The following ADGRA1 variants were observed in gnomAD, a reference collection of about 807,000 sequenced individuals.
The protein encoded by ADGRA1 is adhesion G protein-coupled receptor A1, also known as G-protein coupled receptor 123.
In ADGRA1, 12 loss-of-function variants were observed where a neutral mutation model predicts 21.3. That is an observed-to-expected ratio of 0.56 (90% CI 0.36 to 0.91). ADGRA1 has a LOEUF of 0.91. Ranked by LOEUF, ADGRA1 falls within the 40% of genes least tolerant of loss-of-function variation. The pLI, the probability that ADGRA1 is intolerant of heterozygous loss-of-function variation, is 0.01. For missense variants in ADGRA1, 790 were observed against 805.6 expected (o/e 0.98, Z 0.23); for synonymous variants, 385 against 368.8 (o/e 1.04, Z -0.50).
chr10:133,097,971 GCTTGGTGGTTAGTGCCGTCCTACCAA>G (rs1195056647), intron 3 of ADGRA1, among the ~76,000 whole-genome samples: 1 of 152,194 alleles, frequency 6.6e-6, no homozygotes, highest in East Asian at 1.9e-4. Flanking sequence ...AATATCATCA[GCTTGGTGGTTAGTGCCGTCCTACCAA>G]CTCGGGGGGA....
At chr10:133,100,889 C>T (rs557231613) in intron 4 of ADGRA1, among the ~76,000 whole-genome samples, 1 of 152,268 alleles carries the variant, frequency 6.6e-6, no homozygotes, top group South Asian at 2.1e-4. Context: ...GCCTGCCGGA[C>T]GCGTGACGCC....
intron 5 of ADGRA1, among the ~76,000 whole-genome samples, chr10:133,105,557 A>G (rs1227500168): frequency 6.6e-6 from 1 of 152,246 alleles, no homozygotes; most frequent in Non-Finnish European, 1.5e-5. Flanking sequence ...TTCAGAGTCC[A>G]GGGAAGATAC....
At chr10:133,089,158 A>G (rs748098465) in intron 2 of ADGRA1, 66 of 601,916 alleles carry the variant, frequency 1.1e-4, no homozygotes, top group Non-Finnish European at 1.6e-4. Flanking sequence ...GCATATGGCA[A>G]TGTGGAATCA....
chr10:133,106,503 C>A (rs1388225416), intron 5 of ADGRA1, among the ~76,000 whole-genome samples: 2 of 152,240 alleles, frequency 1.3e-5, no homozygotes, highest in Non-Finnish European at 2.9e-5. Flanking sequence ...ATCTGGTCAT[C>A]TCCATCCACC....
intron 2 of ADGRA1, among the ~76,000 whole-genome samples, chr10:133,089,303 T>TG (rs1851559080): frequency 6.6e-6 from 1 of 151,952 alleles, no homozygotes; most frequent in South Asian, 2.1e-4. Flanking sequence ...CACGCCACCC[T>TG]GCCGGCCCCT....
chr10:133,106,592 C>G (rs1364659747), intron 5 of ADGRA1, among the ~76,000 whole-genome samples: 1 of 152,268 alleles, frequency 6.6e-6, no homozygotes, highest in Non-Finnish European at 1.5e-5. Context: ...AGCCTGGCCT[C>G]AGGGCGCAGG....
chr10:133,127,370 C>CG, intron 6 of ADGRA1, 39 bp downstream of exon 6: 8 of 1,471,430 alleles, frequency 5.4e-6, no homozygotes, highest in Non-Finnish European at 7.4e-6. Flanking sequence ...CTGGGAGCAG[C>CG]GGGTGGGCTC....
Position 133,113,219 on chromosome 10 carries a change from G to A in ADGRA1, c.401+10377G>A, listed in dbSNP as rs1056134578. Among the ~76,000 whole-genome samples, 14 of 109,290 alleles carry A rather than the reference G, an allele frequency of 1.3e-4. No individual in the cohort carries two copies. The East Asian group carries it at 1.3e-3, about 10-fold the overall frequency. 71.7% of individuals were successfully genotyped at this position (109,290 alleles called of 152,430 possible). ...GCCGCGTCGGTTATTTGAGGTCTGC[G>A]GGCCGCGTCAGTTATTTGAGGTCTG... On this transcript the variant is annotated intron_variant, in intron 5 of 6. Transcript: ENST00000392607.
Position 133,087,964 on chromosome 10 carries a change from G to T in ADGRA1, c.-377G>T, listed in dbSNP as rs1851529593. On this transcript the variant is annotated 5_prime_UTR_variant, in exon 1 of 7. Transcript: ENST00000392607. ...CTGCTGGCCGGGCTGGGCCGCTCGTGCGCGGGGCTGTGACTCACCGGCCGG... is the reference window on the plus strand; with the variant it reads ...CTGCTGGCCGGGCTGGGCCGCTCGTTCGCGGGGCTGTGACTCACCGGCCGG... 7 of 984,874 alleles carry T rather than the reference G, an allele frequency of 7.1e-6. No individual in the cohort carries two copies. The highest frequency in any genetic ancestry group is 8.4e-6 in the Non-Finnish European group (7 of 829,828). 61.0% of individuals were successfully genotyped at this position (984,874 alleles called of 1,614,324 possible).
chr10:133,129,724 A>ACACCCCTGCCCCCTCCTTGTGATC lies in ADGRA1; in HGVS notation c.*213_*214insCACCCCTGCCCCCTCCTTGTGATC, dbSNP rs1852477024. The ACACCCCTGCCCCCTCCTTGTGATC allele has an allele frequency of 1.6e-5, 6 of 365,524 alleles. No homozygotes were observed. The African/African-American group carries it at 2.2e-4, about 14-fold the overall frequency. 22.6% of individuals were successfully genotyped at this position (365,524 alleles called of 1,614,324 possible). On this transcript the variant is annotated 3_prime_UTR_variant, in exon 7 of 7. Coordinates refer to ENST00000392607, the MANE Select transcript of ADGRA1 (RefSeq NM_001083909.3). ...TCACACCCCTGCCCCTTCCTTGTGA[A>ACACCCCTGCCCCCTCCTTGTGATC]AGACCTCAGCGGGGAAACGCTCCGG...
chr10:133,098,623 C>G lies in ADGRA1; in HGVS notation c.132-17C>G, dbSNP rs200606960. On this transcript the variant is annotated splice_polypyrimidine_tract_variant and intron_variant, in intron 3 of 6. Transcript: ENST00000392607. ...AGAGCCTCTGCTCATGTGAAACCCT[C>G]CTTTCCCGTCCCACAGCGCCATCCG... The G allele has an allele frequency of 4.4e-6, 7 of 1,603,706 alleles. No homozygotes were observed. The highest frequency in any genetic ancestry group is 1.7e-5 in the Admixed American group (1 of 59,736).
chr10:133,122,547 T>C (rs1013456218), intron 5 of ADGRA1, among the ~76,000 whole-genome samples: 1 of 152,246 alleles, frequency 6.6e-6, no homozygotes, highest in Admixed American at 6.5e-5. Context: ...TCTTTCTTCT[T>C]TTCTTTCCTT....
Position 133,129,295 on chromosome 10 carries a change from G to A in ADGRA1, c.1467G>A (p.Gly489=). The A allele has an allele frequency of 6.4e-7, 1 of 1,552,254 alleles. No homozygotes were observed. Among genetic ancestry groups the A allele is most frequent in the Admixed American group, 1.9e-5 (1 of 51,292 alleles). Residue 489 remains glycine, a synonymous_variant, in exon 7 of 7, where the codon GGG becomes GGA. Coordinates refer to ENST00000392607, the MANE Select transcript of ADGRA1 (RefSeq NM_001083909.3). ...PMVTQPEGSD[G]SPALYSCPTQ... is the part of the protein sequence containing the mutation. ...TCACCCAGCCCGAGGGCAGTGATGG[G>A]AGCCCTGCCCTCTACAGCTGCCCCA... is the stretch of plus-strand genomic sequence containing the variant.
chr10:133,088,128 G>A lies in ADGRA1; in HGVS notation c.-213G>A, dbSNP rs965677132. On this transcript the variant is annotated 5_prime_UTR_variant, in exon 1 of 7. Coordinates refer to ENST00000392607, the MANE Select transcript of ADGRA1 (RefSeq NM_001083909.3). ...GCCCGGCCGCCCCGGCAGCCGCTTC[G>A]GCCACAGCAGGTGGGAAGGACGCGC... 2 of 984,670 alleles carry A rather than the reference G, an allele frequency of 2.0e-6. No homozygotes were observed. The highest frequency in any genetic ancestry group is 2.4e-6 in the Non-Finnish European group (2 of 829,364). The allele number at this position is 984,670 out of a possible 1,614,324, so 61.0% of individuals were successfully genotyped here. A position where few individuals can be genotyped will look rare whatever the true frequency, so the allele number is the denominator to read the frequency against.
At chr10:133,106,704 G>T (rs1022045685) in intron 5 of ADGRA1, among the ~76,000 whole-genome samples, 1 of 152,264 alleles carries the variant, frequency 6.6e-6, no homozygotes, top group Non-Finnish European at 1.5e-5. Context: ...TCGAGGTGAG[G>T]CCTGGGCGAG....
At chr10:133,096,407 C>T (rs533350112) in intron 2 of ADGRA1, among the ~76,000 whole-genome samples, 1 of 152,318 alleles carries the variant, frequency 6.6e-6, no homozygotes, top group Non-Finnish European at 1.5e-5. Flanking sequence ...TTTCTTGGGC[C>T]GAGAAGCAGG....
At chr10:133,106,662 G>A (rs1463148310) in intron 5 of ADGRA1, among the ~76,000 whole-genome samples, 3 of 152,260 alleles carry the variant, frequency 2.0e-5, no homozygotes, top group Non-Finnish European at 2.9e-5. Context: ...CCGCATCGGG[G>A]GTACGGCAGC....
At chr10:133,112,770 GTAAGCTATGT>G (rs1852077660) in intron 5 of ADGRA1, among the ~76,000 whole-genome samples, 7 of 139,884 alleles carry the variant, frequency 5.0e-5, no homozygotes, top group African/African-American at 5.2e-5. Context: ...TTTGGGGTCT[GTAAGCTATGT>G]CGGTTATTTG....
Position 133,128,379 on chromosome 10 carries a change from C to T in ADGRA1, c.551C>T (p.Ala184Val), listed in dbSNP as rs774518512. The change falls in exon 7 of 7, where the codon GCC becomes GTC. Residue 184 changes from alanine (A) to valine (V), a missense_variant. Ala to Val is a moderately conservative substitution (Grantham distance 64). This residue lies in a region of ADGRA1 where 382 missense variants were observed against 415.6 expected (regional missense o/e 0.92). Coordinates refer to ENST00000392607, the MANE Select transcript of ADGRA1 (RefSeq NM_001083909.3). ...CTGGGCGCCTTCTACGGCCCAGCCG[C>T]CATCATCACCCTGGTCACCTGTGTG... ...PSLGAFYGPA[A>V]IITLVTCVYF... The T allele has an allele frequency of 6.3e-7, 1 of 1,589,254 alleles. No homozygotes were observed. The highest frequency in any genetic ancestry group is 1.1e-5 in the South Asian group (1 of 87,478).
Sources: allele counts gnomAD v4.1 joint callset (sites outside exome capture counted in the v4.1 genomes callset), GRCh38; gene constraint gnomAD v4.1.1; regional missense constraint gnomAD v4.1.1; transcripts MANE v1.5; gene names NCBI Gene and HGNC (gene_info 2026-07-23, HGNC 2026-07-21).